GRIA4: variants seen among roughly 807,000 people sequenced by gnomAD.
GRIA4 encodes glutamate receptor 4.
In GRIA4, 34 loss-of-function variants were observed where a neutral mutation model predicts 104.0. That is an observed-to-expected ratio of 0.33 (90% CI 0.25 to 0.44). GRIA4 has a LOEUF of 0.44. Among genes scored for constraint, GRIA4 ranks in the 20% least tolerant of loss-of-function variants. The pLI is 1.00. For synonymous variants in GRIA4, 386 were observed against 381.9 expected, an observed-to-expected ratio of 1.01 and a Z score of -0.13; for missense variants, 750 against 1,096.5, an observed-to-expected ratio of 0.68 and a Z score of 4.46.
intron 3 of GRIA4, chr11:105,614,505 G>A (rs1035978976): frequency 6.6e-6 from 1 of 151,862 alleles, no homozygotes; most frequent in African/African-American, 2.4e-5. Context: ...ATGAAACGTA[G>A]AGTATGTTAT....
intron 13 of GRIA4, among the ~76,000 whole-genome samples, chr11:105,931,949 C>A (rs1947888904): frequency 6.6e-6 from 1 of 151,752 alleles, no homozygotes; most frequent in Non-Finnish European, 1.5e-5. Context: ...TTGTTGAATT[C>A]TATATTTTGG....
In GRIA4 at chr11:105,624,951, A is replaced by G. The variant is rs543040069; in HGVS notation, c.247+12517A>G. Among the ~76,000 whole-genome samples, 48 of 152,256 alleles carry G rather than the reference A, an allele frequency of 3.2e-4. No homozygotes were observed. In the South Asian group the frequency reaches 7.7e-3, roughly 24 times the overall value. On this transcript the variant is annotated intron_variant, in intron 3 of 16. Transcript: ENST00000282499. Reference sequence around the variant, plus strand: ...TACAAGTATTACATATAGAATATATATACTTTTAGACTATGCACATTATTT... The same window carrying G: ...TACAAGTATTACATATAGAATATATGTACTTTTAGACTATGCACATTATTT...
At chr11:105,777,085 G>A (rs546761461) in intron 4 of GRIA4, among the ~76,000 whole-genome samples, 3 of 152,066 alleles carry the variant, frequency 2.0e-5, no homozygotes, top group East Asian at 1.9e-4. Context: ...GCACACACAC[G>A]GAATGTTATA....
At chr11:105,775,235 C>T (rs930366685) in intron 4 of GRIA4, among the ~76,000 whole-genome samples, 3 of 152,136 alleles carry the variant, frequency 2.0e-5, no homozygotes, top group Non-Finnish European at 4.4e-5. Flanking sequence ...AGGATAATCT[C>T]CACATCTCAA....
At chr11:105,721,571 T>C (rs914244043) in intron 3 of GRIA4, among the ~76,000 whole-genome samples, 2 of 152,216 alleles carry the variant, frequency 1.3e-5, no homozygotes, top group African/African-American at 4.8e-5. Context: ...ATATTAATAG[T>C]GCAAAGCACT....
intron 3 of GRIA4, among the ~76,000 whole-genome samples, chr11:105,650,557 C>T (rs952749838): frequency 4.6e-5 from 7 of 152,068 alleles, no homozygotes. Flanking sequence ...CTCTTGAACA[C>T]ATCAAGACAA....
At chr11:105,665,287 G>A (rs1952130814) in intron 3 of GRIA4, among the ~76,000 whole-genome samples, 1 of 151,674 alleles carries the variant, frequency 6.6e-6, no homozygotes, top group Non-Finnish European at 1.5e-5. Flanking sequence ...AATATTTAGG[G>A]GTACTAACTT....
At chr11:105,644,408 A>G (rs958402440) in intron 3 of GRIA4, among the ~76,000 whole-genome samples, 9 of 150,998 alleles carry the variant, frequency 6.0e-5, no homozygotes, top group Non-Finnish European at 2.9e-5. Flanking sequence ...CCTAGCCTAC[A>G]TAGTGAAACC....
intron 14 of GRIA4, among the ~76,000 whole-genome samples, chr11:105,962,199 G>A (rs984940377): frequency 1.3e-5 from 2 of 152,090 alleles, no homozygotes; most frequent in Non-Finnish European, 2.9e-5. Flanking sequence ...GTAAATATGA[G>A]TGAGGCATAA....
chr11:105,811,657 T>A (rs992111234), intron 4 of GRIA4, among the ~76,000 whole-genome samples: 1 of 152,196 alleles, frequency 6.6e-6, no homozygotes, highest in Non-Finnish European at 1.5e-5. Flanking sequence ...AGATAAACAA[T>A]GCAGCAAATT....
At chr11:105,824,695 T>C (rs1958899668) in intron 4 of GRIA4, 1 of 152,112 alleles carries the variant, frequency 6.6e-6, no homozygotes. Context: ...TTATTACTAA[T>C]TGAAAACAGA....
chr11:105,818,467 A>G (rs1160476962), intron 4 of GRIA4, among the ~76,000 whole-genome samples: 3 of 152,154 alleles, frequency 2.0e-5, no homozygotes, highest in Non-Finnish European at 4.4e-5. Context: ...TAAAGAACGA[A>G]TCTTCATCTT....
intron 14 of GRIA4, among the ~76,000 whole-genome samples, chr11:105,969,240 AT>A (rs1858556216): frequency 1.3e-5 from 2 of 152,202 alleles, no homozygotes; most frequent in South Asian, 2.1e-4. Context: ...CAATGCAAGA[AT>A]AAAGGAATTA....
chr11:105,646,293 T>A (rs373309658), intron 3 of GRIA4, among the ~76,000 whole-genome samples: 6 of 152,134 alleles, frequency 3.9e-5, no homozygotes, highest in African/African-American at 1.2e-4. Flanking sequence ...GAAAATATAA[T>A]TGTTTACACA....
intron 3 of GRIA4, among the ~76,000 whole-genome samples, chr11:105,727,611 A>T (rs996305292): frequency 1.3e-5 from 2 of 152,198 alleles, no homozygotes; most frequent in African/African-American, 4.8e-5. Context: ...AAAAAATGTT[A>T]AGGGCAGCCA....
intron 3 of GRIA4, among the ~76,000 whole-genome samples, chr11:105,661,036 G>A (rs970384258): frequency 6.7e-6 from 1 of 150,010 alleles, no homozygotes; most frequent in Non-Finnish European, 1.5e-5. Flanking sequence ...AGAAAGGTGG[G>A]TGTGAAAAAC....
At chr11:105,700,856 A>T (rs1420261913) in intron 3 of GRIA4, among the ~76,000 whole-genome samples, 5 of 152,126 alleles carry the variant, frequency 3.3e-5, no homozygotes, top group African/African-American at 1.2e-4. Flanking sequence ...CCTCACAGTA[A>T]ACAAGATTGC....
chr11:105,830,312 T>C (rs1318396521), intron 4 of GRIA4, among the ~76,000 whole-genome samples: 1 of 151,994 alleles, frequency 6.6e-6, no homozygotes, highest in Non-Finnish European at 1.5e-5. Flanking sequence ...TCAAAGATGA[T>C]GAGGATATGA....
intron 4 of GRIA4, among the ~76,000 whole-genome samples, chr11:105,814,064 G>C (rs1484391300): frequency 2.0e-5 from 3 of 152,116 alleles, no homozygotes; most frequent in Non-Finnish European, 4.4e-5. Context: ...CAAATGTGCT[G>C]AACCAAAAAA....
Sources: allele counts gnomAD v4.1 joint callset (sites outside exome capture counted in the v4.1 genomes callset), GRCh38; gene constraint gnomAD v4.1.1; transcripts MANE v1.5; gene names NCBI Gene and HGNC (gene_info 2026-07-23, HGNC 2026-07-21).